Variants in SWAP70 observed in about 807,000 individuals in gnomAD.
The protein encoded by SWAP70 is switching B cell complex subunit SWAP70.
Under a neutral mutation model 80.2 loss-of-function variants are expected in SWAP70, and 34 were observed. The ratio of observed to expected loss-of-function variants is 0.42; its 90% CI spans 0.32 to 0.56. SWAP70 has a LOEUF of 0.56. Among genes scored for constraint, SWAP70 ranks in the 20% least tolerant of loss-of-function variants. The pLI, the probability that SWAP70 is intolerant of heterozygous loss-of-function variation, is 0.09. For synonymous variants in SWAP70, 239 were observed against 238.5 expected (o/e 1.00, Z -0.02); for missense variants, 578 against 690.7 (o/e 0.84, Z 1.83).
chr11:9,708,983 A>G (rs1590030345), intron 2 of SWAP70, among the ~76,000 whole-genome samples: 1 of 151,520 alleles, frequency 6.6e-6, no homozygotes, highest in Non-Finnish European at 1.5e-5. Context: ...ACAGCTCACT[A>G]CAGCCGTGAA....
At chr11:9,681,795 G>A (rs1850571254) in intron 1 of SWAP70, among the ~76,000 whole-genome samples, 1 of 152,210 alleles carries the variant, frequency 6.6e-6, no homozygotes, top group South Asian at 2.1e-4. Flanking sequence ...TTAGCTCAGA[G>A]AATGCTTCCT....
intron 1 of SWAP70, among the ~76,000 whole-genome samples, chr11:9,670,564 A>T (rs754540619): frequency 3.3e-5 from 5 of 151,948 alleles, no homozygotes; most frequent in Non-Finnish European, 7.4e-5. Flanking sequence ...TTGGAAAAAG[A>T]GGAGAAAAGA....
chr11:9,725,533 A>C (rs1162360282), intron 4 of SWAP70, among the ~76,000 whole-genome samples: 1 of 27,450 alleles, frequency 3.6e-5, no homozygotes, highest in Non-Finnish European at 6.1e-5. Context: ...AATACAAAAT[A>C]TATATATATA....
At chr11:9,744,081 G>A (rs1851478955) in intron 9 of SWAP70, among the ~76,000 whole-genome samples, 1 of 151,582 alleles carries the variant, frequency 6.6e-6, no homozygotes, top group African/African-American at 2.4e-5. Flanking sequence ...TCCTGCCTCA[G>A]CCTCCTGAGC....
chr11:9,698,957 C>T (rs1850796556), intron 2 of SWAP70, among the ~76,000 whole-genome samples: 1 of 151,946 alleles, frequency 6.6e-6, no homozygotes, highest in South Asian at 2.1e-4. Context: ...GTATTTAATA[C>T]ATTGTTATTA....
intron 1 of SWAP70, among the ~76,000 whole-genome samples, chr11:9,690,991 C>A (rs1472456327): frequency 6.6e-6 from 1 of 152,082 alleles, no homozygotes; most frequent in African/African-American, 2.4e-5. Context: ...GCAGCCTCGA[C>A]CTCCCTAGGC....
At chr11:9,665,655 C>G (rs1850299151) in intron 1 of SWAP70, among the ~76,000 whole-genome samples, 1 of 152,152 alleles carries the variant, frequency 6.6e-6, no homozygotes, top group Non-Finnish European at 1.5e-5. Flanking sequence ...AAACTGATTT[C>G]TTTTACCCAG....
Position 9,730,515 on chromosome 11 carries a change from C to T in SWAP70, c.898+1064C>T, listed in dbSNP as rs144889399. 9.8e-3 allele frequency among the ~76,000 whole-genome samples: 1,486 copies of T among 152,214 alleles called. 100 individuals carry two copies. The highest frequency in any genetic ancestry group is 0.088 in the Admixed American group (1,343 of 15,284). ...TGCACACACTACAACTGTTGGTGGA[C>T]ACCTGGGTTGATTCCATATCTTAGA... is the stretch of plus-strand genomic sequence containing the variant. On this transcript the variant is annotated intron_variant, in intron 6 of 11. Coordinates refer to ENST00000318950, the MANE Select transcript of SWAP70 (RefSeq NM_015055.4).
chr11:9,671,977 AT>A (rs1324881089), intron 1 of SWAP70, among the ~76,000 whole-genome samples: 4 of 113,462 alleles, frequency 3.5e-5, no homozygotes, highest in Admixed American at 1.1e-4. Context: ...TATGTTATAT[AT>A]TTTTCTATAT....
intron 1 of SWAP70, among the ~76,000 whole-genome samples, chr11:9,666,400 A>G (rs900910673): frequency 6.6e-6 from 1 of 151,956 alleles, no homozygotes; most frequent in East Asian, 1.9e-4. Flanking sequence ...TTTCATTTTA[A>G]TAGAGTTTTT....
rs1319371830 is a variant in SWAP70 at position 9,674,639 on chromosome 11, G to T, written c.99+10361G>T. ...GCTGAGATAGTGCCACTGTATTGCA[G>T]CCTGGGTGACAGAGCAAGACTTTGT... is the stretch of plus-strand genomic sequence containing the variant. On this transcript the variant is annotated intron_variant, in intron 1 of 11. Coordinates refer to ENST00000318950, the MANE Select transcript of SWAP70 (RefSeq NM_015055.4). Among the ~76,000 whole-genome samples, 3 of 152,200 alleles carry T rather than the reference G, an allele frequency of 2.0e-5. No individual in the cohort carries two copies. The South Asian group carries it at 6.2e-4, about 32-fold the overall frequency.
At chr11:9,748,265 A>G (rs932335132) in intron 10 of SWAP70, among the ~76,000 whole-genome samples, 5 of 152,162 alleles carry the variant, frequency 3.3e-5, no homozygotes, top group African/African-American at 1.2e-4. Flanking sequence ...GAACAGGGAA[A>G]GTTTAATATA....
intron 1 of SWAP70, among the ~76,000 whole-genome samples, chr11:9,669,706 TG>T (rs1259021745): frequency 6.6e-6 from 1 of 152,198 alleles, no homozygotes; most frequent in East Asian, 1.9e-4. Context: ...GAGTTATTGC[TG>T]GTGATAAAGC....
At chr11:9,697,847 C>T (rs1850778483) in intron 2 of SWAP70, among the ~76,000 whole-genome samples, 1 of 152,152 alleles carries the variant, frequency 6.6e-6, no homozygotes, top group Admixed American at 6.5e-5. Flanking sequence ...GTAATGCTGT[C>T]ACAGCTCCCT....
chr11:9,700,508 G>A (rs1294773330), intron 2 of SWAP70, among the ~76,000 whole-genome samples: 3 of 152,194 alleles, frequency 2.0e-5, no homozygotes, highest in Non-Finnish European at 2.9e-5. Flanking sequence ...CAGTTGCAAG[G>A]TATGCTGTCA....
intron 2 of SWAP70, among the ~76,000 whole-genome samples, chr11:9,700,247 G>A (rs185144337): frequency 6.6e-6 from 1 of 152,110 alleles, no homozygotes; most frequent in African/African-American, 2.4e-5. Flanking sequence ...ATTCACGGAG[G>A]GAATGAGGAT....
chr11:9,717,735 CT>C (rs1237132874), intron 3 of SWAP70, among the ~76,000 whole-genome samples: 1 of 149,462 alleles, frequency 6.7e-6, no homozygotes, highest in Non-Finnish European at 1.5e-5. Flanking sequence ...ATTGTGTTTT[CT>C]TTGAAAAACT....
chr11:9,745,974 C>A (rs1373242095), intron 9 of SWAP70, among the ~76,000 whole-genome samples: 1 of 152,228 alleles, frequency 6.6e-6, no homozygotes, highest in Admixed American at 6.5e-5. Context: ...ACAGCCCAAG[C>A]CAGGCCATGG....
At chr11:9,677,824 A>G (rs375327576) in intron 1 of SWAP70, among the ~76,000 whole-genome samples, 3 of 76,808 alleles carry the variant, frequency 3.9e-5, no homozygotes, top group African/African-American at 1.1e-4. Context: ...AAAAATTTTG[A>G]TGAACAACAT....
Sources: allele counts gnomAD v4.1 joint callset (sites outside exome capture counted in the v4.1 genomes callset), GRCh38; gene constraint gnomAD v4.1.1; transcripts MANE v1.5; gene names NCBI Gene and HGNC (gene_info 2026-07-23, HGNC 2026-07-21).